Variants in NDRG3 observed in about 807,000 individuals in gnomAD.
NDRG3 encodes protein NDRG3.
In NDRG3, 23 loss-of-function variants were observed where a neutral mutation model predicts 57.2. The observed-to-expected ratio is 0.40, with a 90% confidence interval of 0.29 to 0.57. NDRG3 has a LOEUF of 0.57. Ranked by LOEUF, NDRG3 falls within the 20% of genes least tolerant of loss-of-function variation. NDRG3 has a pLI of 0.42. For synonymous variants in NDRG3, 132 were observed against 162.6 expected, an observed-to-expected ratio of 0.81 and a Z score of 1.43; for missense variants, 384 against 457.3, an observed-to-expected ratio of 0.84 and a Z score of 1.46.
At position 36,666,240 on chromosome 20, in the gene NDRG3, T is replaced by G. The variant is rs202015622; in HGVS notation, c.692+49A>C. The G allele has an allele frequency of 2.0e-5, 28 of 1,422,164 alleles. No homozygotes were observed. The East Asian group carries it at 5.5e-4, about 28-fold the overall frequency. The allele number at this position is 1,422,164 out of a possible 1,614,324, so 88.1% of individuals were successfully genotyped here. On this transcript the variant is annotated intron_variant, in intron 10 of 15. Transcript: ENST00000349004. ...CCTCTCTCCTTCTCCCACCCTCCTCTTTTTAGAACCTGTTTACATTTAAGT... is the reference window on the plus strand; with the variant it reads ...CCTCTCTCCTTCTCCCACCCTCCTCGTTTTAGAACCTGTTTACATTTAAGT...
intron 1 of NDRG3, among the ~76,000 whole-genome samples, chr20:36,724,003 G>A (rs566777932): frequency 3.3e-5 from 5 of 152,158 alleles, no homozygotes; most frequent in Admixed American, 2.0e-4. Context: ...CACTGCGCCC[G>A]GCCTAGTGTA....
At chr20:36,668,581 G>C (rs2148050347) in intron 9 of NDRG3, 1 of 152,118 alleles carries the variant, frequency 6.6e-6, no homozygotes, top group Middle Eastern at 3.4e-3. Flanking sequence ...AAGAGCAGTG[G>C]TGAGAAAGGG....
At chr20:36,719,254 C>G (rs1984448023) in intron 2 of NDRG3, among the ~76,000 whole-genome samples, 1 of 151,820 alleles carries the variant, frequency 6.6e-6, no homozygotes, top group Non-Finnish European at 1.5e-5. Context: ...TGGTGAAACC[C>G]CATCTCTAGT....
At chr20:36,741,758 G>C (rs1985939478) in intron 1 of NDRG3, among the ~76,000 whole-genome samples, 1 of 152,132 alleles carries the variant, frequency 6.6e-6, no homozygotes, top group Non-Finnish European at 1.5e-5. Context: ...CCTTAGACCA[G>C]CAGCATCAGC....
chr20:36,660,556 A>T (rs1267224352), intron 12 of NDRG3, among the ~76,000 whole-genome samples, 172 bp from the exon 13 acceptor site: 83 of 150,442 alleles, frequency 5.5e-4, no homozygotes, highest in African/African-American at 1.0e-3. Flanking sequence ...TTATTTATTT[A>T]TTTATTTATT....
chr20:36,736,376 T>C (rs1048360895), intron 1 of NDRG3, among the ~76,000 whole-genome samples: 1 of 152,148 alleles, frequency 6.6e-6, no homozygotes, highest in African/African-American at 2.4e-5. Context: ...CATTCTCCAA[T>C]GAGAAAAGAG....
intron 4 of NDRG3, among the ~76,000 whole-genome samples, chr20:36,688,215 CTG>C (rs1981951446): frequency 6.6e-6 from 1 of 152,224 alleles, no homozygotes; most frequent in African/African-American, 2.4e-5. Flanking sequence ...TATGCAGACT[CTG>C]TGTGTCTATG....
intron 1 of NDRG3, among the ~76,000 whole-genome samples, 189 bp from the exon 2 acceptor site, chr20:36,721,972 C>T (rs1479715869): frequency 1.3e-5 from 2 of 152,178 alleles, no homozygotes; most frequent in Non-Finnish European, 2.9e-5. Context: ...TCCTGGTATT[C>T]ACATCCTTGC....
intron 1 of NDRG3, among the ~76,000 whole-genome samples, 167 bp downstream of exon 1, chr20:36,745,878 C>CGGGGG (rs1986166880): frequency 1.7e-5 from 1 of 57,764 alleles, no homozygotes; most frequent in African/African-American, 6.5e-5. Context: ...GGCGGGCGGG[C>CGGGGG]GGGGCGGGGC....
intron 3 of NDRG3, among the ~76,000 whole-genome samples, chr20:36,695,397 C>T (rs1248301707): frequency 6.6e-6 from 1 of 152,176 alleles, no homozygotes; most frequent in African/African-American, 2.4e-5. Context: ...TGCCTGGGAG[C>T]TGGGCAGGAC....
intron 9 of NDRG3, among the ~76,000 whole-genome samples, chr20:36,669,478 C>T (rs949473525): frequency 8.5e-5 from 13 of 152,066 alleles, no homozygotes; most frequent in Non-Finnish European, 1.2e-4. Flanking sequence ...GATCCACCTG[C>T]CTCGGCCTCC....
At chr20:36,661,864 G>A (rs954023923) in intron 12 of NDRG3, among the ~76,000 whole-genome samples, 11 of 152,168 alleles carry the variant, frequency 7.2e-5, no homozygotes, top group Admixed American at 2.0e-4. Context: ...TGGGGATTGC[G>A]GGTAGGCAGG....
chr20:36,667,083 C>T (rs1463916256), intron 9 of NDRG3, among the ~76,000 whole-genome samples: 1 of 152,104 alleles, frequency 6.6e-6, no homozygotes, highest in Non-Finnish European at 1.5e-5. Flanking sequence ...TGATCTGCTG[C>T]ACCTGGCTAC....
At chr20:36,666,524 CTACTGATG>C in intron 9 of NDRG3, 132 bp from the exon 10 acceptor site, 1 of 660,468 alleles carries the variant, frequency 1.5e-6, no homozygotes, top group Non-Finnish European at 2.8e-6. Flanking sequence ...AGCCTGGGGA[CTACTGATG>C]TACTGGTAGG....
intron 3 of NDRG3, among the ~76,000 whole-genome samples, chr20:36,706,758 C>T (rs1271113290): frequency 6.6e-6 from 1 of 152,190 alleles, no homozygotes; most frequent in Non-Finnish European, 1.5e-5. Flanking sequence ...CTGCCTTGGC[C>T]TCTCAAAGTG....
At chr20:36,711,827 G>A (rs1249162831) in intron 2 of NDRG3, among the ~76,000 whole-genome samples, 1 of 152,206 alleles carries the variant, frequency 6.6e-6, no homozygotes, top group East Asian at 1.9e-4. Context: ...CGCCCAGGCT[G>A]CAGTTGCAGT....
intron 2 of NDRG3, among the ~76,000 whole-genome samples, chr20:36,721,302 G>A (rs902983500): frequency 1.3e-5 from 2 of 151,782 alleles, no homozygotes; most frequent in African/African-American, 2.4e-5. Context: ...AGGCCATGGC[G>A]GGAGGATCAC....
chr20:36,691,113 G>A (rs532554476), intron 3 of NDRG3, among the ~76,000 whole-genome samples: 57 of 152,344 alleles, frequency 3.7e-4, no homozygotes, highest in African/African-American at 1.3e-3. Flanking sequence ...CTCTGTCAAT[G>A]AGAATCCCAA....
Position 36,653,735 on chromosome 20 carries a change from A to C in NDRG3, c.947-34T>G, listed in dbSNP as rs751898858. 1 of 1,594,400 alleles carries C rather than the reference A, an allele frequency of 6.3e-7. No homozygotes were observed. Among genetic ancestry groups the C allele is most frequent in the South Asian group, 1.1e-5 (1 of 90,168 alleles). On this transcript the variant is annotated intron_variant, in intron 15 of 15. Coordinates refer to ENST00000349004, the MANE Select transcript of NDRG3 (RefSeq NM_032013.4). This position sits in a 1 kb window ranked among gnomAD's most constrained non-coding sequence, Gnocchi z 4.2. ...GAGAACCAAGGGGACTAGAAGATGA[A>C]GCCCCGGTTAAGCCCAGCTAACCTA... is the stretch of plus-strand genomic sequence containing the variant.
Sources: allele counts gnomAD v4.1 joint callset (sites outside exome capture counted in the v4.1 genomes callset), GRCh38; gene constraint gnomAD v4.1.1; non-coding constraint Gnocchi (gnomAD v3.1); transcripts MANE v1.5; gene names NCBI Gene and HGNC (gene_info 2026-07-23, HGNC 2026-07-21).